Variants in MTMR7 observed in about 807,000 individuals in gnomAD.
MTMR7 encodes phosphatidylinositol-3-phosphate phosphatase MTMR7.
MTMR7 carries 76 observed loss-of-function variants against 81.2 expected under a neutral mutation model. That is an observed-to-expected ratio of 0.94 (90% confidence interval 0.78 to 1.13). The LOEUF (loss-of-function observed/expected upper bound fraction) is 1.13. Among genes scored for constraint, MTMR7 ranks in the 50% most tolerant of loss-of-function variants. The pLI, the probability that MTMR7 is intolerant of heterozygous loss-of-function variation, is 0.00. For missense variants in MTMR7, 1,044 were observed against 820.0 expected (o/e 1.27, Z -3.34); for synonymous variants, 372 against 289.8 (o/e 1.28, Z -2.88).
intron 1 of MTMR7, among the ~76,000 whole-genome samples, chr8:17,411,560 T>C (rs192798275): frequency 6.6e-6 from 1 of 152,176 alleles, no homozygotes; most frequent in Non-Finnish European, 1.5e-5. Context: ...TAATTTCTTA[T>C]TTTTTTCACC....
At chr8:17,397,125 G>C (rs1343786878) in intron 1 of MTMR7, among the ~76,000 whole-genome samples, 2 of 151,928 alleles carry the variant, frequency 1.3e-5, no homozygotes, top group Non-Finnish European at 2.9e-5. Flanking sequence ...CTGGCTTCAG[G>C]GGAGCCCAGC....
At chr8:17,336,709 C>G (rs58641153) in intron 6 of MTMR7, among the ~76,000 whole-genome samples, 1 of 152,316 alleles carries the variant, frequency 6.6e-6, no homozygotes, top group East Asian at 1.9e-4. Flanking sequence ...CGGAGGCAAG[C>G]GCTGCCTCGC....
At chr8:17,404,157 G>C (rs1298005328) in intron 1 of MTMR7, among the ~76,000 whole-genome samples, 2 of 152,156 alleles carry the variant, frequency 1.3e-5, no homozygotes, top group East Asian at 3.9e-4. Context: ...AAATGGAAAG[G>C]GGACCAGGCA....
intron 4 of MTMR7, among the ~76,000 whole-genome samples, chr8:17,353,289 G>A (rs1042861941): frequency 6.6e-6 from 1 of 152,130 alleles, no homozygotes; most frequent in Non-Finnish European, 1.5e-5. Flanking sequence ...GCTGTGGTAG[G>A]TGGGAATGGG....
Position 17,373,294 on chromosome 8 carries a change from C to G in MTMR7, c.25-54G>C, listed in dbSNP as rs754025561. 15 of 1,556,578 alleles carry G rather than the reference C, an allele frequency of 9.6e-6. No homozygotes were observed. The African/African-American group carries it at 1.1e-4, about 11-fold the overall frequency. On this transcript the variant is annotated intron_variant, in intron 1 of 13. Transcript: ENST00000180173. The stretch of plus-strand genomic sequence containing the variant: ...TACCGTAAAGCAGAAGAGCAATTCA[C>G]GAAATAAATGATAACAGGGTAAACT...
At chr8:17,383,805 C>T (rs571150308) in intron 1 of MTMR7, among the ~76,000 whole-genome samples, 3 of 151,878 alleles carry the variant, frequency 2.0e-5, no homozygotes, top group South Asian at 2.1e-4. Flanking sequence ...GAGGGATTCT[C>T]TGGGCGGAGC....
At chr8:17,379,304 G>C (rs1820689153) in intron 1 of MTMR7, among the ~76,000 whole-genome samples, 1 of 152,294 alleles carries the variant, frequency 6.6e-6, no homozygotes, top group African/African-American at 2.4e-5. Context: ...CTTTGCCAAA[G>C]TGGGGTTTGA....
intron 13 of MTMR7, among the ~76,000 whole-genome samples, chr8:17,300,759 C>A (rs531743889): frequency 3.9e-5 from 6 of 152,348 alleles, no homozygotes; most frequent in African/African-American, 1.2e-4. Context: ...TACTCATTAG[C>A]AGTCATTTCC....
intron 10 of MTMR7, among the ~76,000 whole-genome samples, chr8:17,306,519 C>T (rs1817465748): frequency 6.6e-6 from 1 of 152,084 alleles, no homozygotes; most frequent in South Asian, 2.1e-4. Context: ...TCTCCCATTG[C>T]TTTGCTTTTC....
chr8:17,370,812 C>A (rs981492459), intron 3 of MTMR7, among the ~76,000 whole-genome samples: 1 of 151,972 alleles, frequency 6.6e-6, no homozygotes, highest in African/African-American at 2.4e-5. Context: ...TAAGTTAATA[C>A]TAAGATTCAT....
intron 4 of MTMR7, among the ~76,000 whole-genome samples, chr8:17,360,557 G>A (rs963806930): frequency 1.3e-5 from 2 of 151,260 alleles, no homozygotes; most frequent in African/African-American, 4.9e-5. Flanking sequence ...AAATTATAGT[G>A]AAACCACCCC....
intron 5 of MTMR7, among the ~76,000 whole-genome samples, chr8:17,345,418 C>T (rs1429592054): frequency 6.6e-6 from 1 of 152,242 alleles, no homozygotes; most frequent in Non-Finnish European, 1.5e-5. Flanking sequence ...CACAGCCTGC[C>T]TCTCACAGCC....
chr8:17,321,639 A>G (rs1368801924), intron 7 of MTMR7, among the ~76,000 whole-genome samples: 1 of 152,248 alleles, frequency 6.6e-6, no homozygotes, highest in Admixed American at 6.5e-5. Context: ...TAAACTCAGG[A>G]TAAGGCAGAA....
intron 7 of MTMR7, 30 bp from the exon 8 acceptor site, chr8:17,313,431 A>T (rs1231704101): frequency 5.7e-6 from 8 of 1,407,588 alleles, no homozygotes; most frequent in Non-Finnish European, 8.0e-6. Flanking sequence ...ATAAAAGCAA[A>T]ATTAAGGTAC....
intron 7 of MTMR7, 134 bp from the exon 8 acceptor site, chr8:17,313,535 A>C: frequency 7.1e-6 from 4 of 562,860 alleles, no homozygotes; most frequent in Non-Finnish European, 1.2e-5. Flanking sequence ...CTTAAGTCAA[A>C]ATAAATACCC....
chr8:17,361,406 G>A, intron 3 of MTMR7, 132 bp from the exon 4 acceptor site: 1 of 924,408 alleles, frequency 1.1e-6, no homozygotes, highest in South Asian at 1.5e-5. Flanking sequence ...ACACTCTTGG[G>A]AGTAACCTGT....
In MTMR7 at chr8:17,361,172, C is replaced by A; in HGVS notation, c.413G>T (p.Arg138Leu). 1 of 1,614,164 alleles carries A rather than the reference C, an allele frequency of 6.2e-7. No individual in the cohort carries two copies. Among genetic ancestry groups the A allele is most frequent in the South Asian group, 1.1e-5 (1 of 91,084 alleles). The stretch of plus-strand genomic sequence containing the variant: ...CCAGTAATGATTAGGGAGGCCCATC[C>A]GCGTGTATTCTTCACTAAGATCGAT... ...VLIDLSEEYT[R>L]MGLPNHYWQL... The change falls in exon 4 of 14, where the codon CGG (arginine) becomes CTG (leucine). Residue 138 changes from arginine (R) to leucine (L), a missense_variant. Coordinates refer to ENST00000180173, the MANE Select transcript of MTMR7 (RefSeq NM_004686.5).
chr8:17,380,261 TAAC>T (rs1311939788), intron 1 of MTMR7, among the ~76,000 whole-genome samples: 2 of 152,094 alleles, frequency 1.3e-5, no homozygotes, highest in East Asian at 1.9e-4. Flanking sequence ...AATCACCAAA[TAAC>T]AATAAAAACA....
intron 1 of MTMR7, among the ~76,000 whole-genome samples, chr8:17,404,909 T>C (rs1287100983): frequency 6.6e-6 from 1 of 152,180 alleles, no homozygotes; most frequent in African/African-American, 2.4e-5. Flanking sequence ...CACTGCAACC[T>C]CTGCCTCCGA....
Sources: allele counts gnomAD v4.1 joint callset (sites outside exome capture counted in the v4.1 genomes callset), GRCh38; gene constraint gnomAD v4.1.1; transcripts MANE v1.5; gene names NCBI Gene and HGNC (gene_info 2026-07-23, HGNC 2026-07-21).